The following RELN variants were observed in gnomAD, a reference collection of about 807,000 sequenced individuals.
RELN encodes reelin.
RELN carries 108 observed loss-of-function variants against 427.6 expected under a neutral mutation model. The ratio of observed to expected loss-of-function variants is 0.25; its 90% CI spans 0.22 to 0.30. The LOEUF (loss-of-function observed/expected upper bound fraction) is 0.30, where lower values mean the gene tolerates loss of function less well. Among genes scored for constraint, RELN ranks in the 10% least tolerant of loss-of-function variants. RELN has a pLI of 1.00. For missense variants in RELN, 3,715 were observed against 4,302.8 expected (o/e 0.86, Z 3.82); for synonymous variants, 1,524 against 1,513.4 (o/e 1.01, Z -0.16).
rs184139778 is a variant in RELN, at chr7:103,945,365, T to G, written c.227-28180A>C. Among the ~76,000 whole-genome samples the G allele has an allele frequency of 3.9e-3, 589 of 152,282 alleles. 18 individuals carry two copies. The highest frequency in any genetic ancestry group is 0.032 in the Admixed American group (492 of 15,288). ...TTACACTCCTGATTCTCTAGGCCTC[T>G]CAGACACTTTCCAACAGCTGATCCT... On this transcript the variant is annotated intron_variant, in intron 1 of 64. Transcript: ENST00000428762.
chr7:103,615,006 A>G (rs1332274547), intron 20 of RELN, among the ~76,000 whole-genome samples: 5 of 152,240 alleles, frequency 3.3e-5, no homozygotes, highest in Admixed American at 2.6e-4. Context: ...AAATCAAGAC[A>G]TATTTATAAA....
rs576164966 is a variant in RELN at position 103,691,699 on chromosome 7, A to G, written c.1143+6154T>C. Among the ~76,000 whole-genome samples the G allele has an allele frequency of 8.5e-5, 13 of 152,104 alleles. 2 individuals are homozygous for G. Among genetic ancestry groups the G allele is most frequent in the Admixed American group, 7.9e-4 (12 of 15,262 alleles). On this transcript the variant is annotated intron_variant, in intron 10 of 64. Transcript: ENST00000428762. ...GTGGTGGCGCACACCTGTAGTCCCA[A>G]CTACTCAGGAGGCTAAGGCACAAGA... is the stretch of plus-strand genomic sequence containing the variant.
At chr7:103,865,266 A>T (rs1161995885) in intron 2 of RELN, among the ~76,000 whole-genome samples, 2 of 152,118 alleles carry the variant, frequency 1.3e-5, no homozygotes, top group African/African-American at 4.8e-5. Context: ...TAATTAAAAA[A>T]TTTCACAATG....
At chr7:103,925,982 T>A (rs77908213) in intron 1 of RELN, among the ~76,000 whole-genome samples, 2 of 152,122 alleles carry the variant, frequency 1.3e-5, no homozygotes, top group African/African-American at 4.8e-5. Flanking sequence ...ATGTTTTTTT[T>A]ACGTTGTTTT....
At chr7:103,611,831 A>T in intron 20 of RELN, 28 bp from the exon 21 acceptor site, 1 of 1,573,870 alleles carries the variant, frequency 6.4e-7, no homozygotes, top group Non-Finnish European at 8.7e-7. Flanking sequence ...GGAAATCAGA[A>T]AATTCTAAAC....
intron 22 of RELN, among the ~76,000 whole-genome samples, chr7:103,605,761 T>G (rs1831804165): frequency 6.6e-6 from 1 of 152,344 alleles, no homozygotes; most frequent in South Asian, 2.1e-4. Context: ...TACCCACATA[T>G]TAAGTACTCC....
chr7:103,560,249 C>A (rs976371771), intron 36 of RELN, among the ~76,000 whole-genome samples: 1 of 152,078 alleles, frequency 6.6e-6, no homozygotes, highest in African/African-American at 2.4e-5. Flanking sequence ...AGATAGTATT[C>A]CTGAATCTAT....
intron 10 of RELN, among the ~76,000 whole-genome samples, chr7:103,687,116 TA>T (rs1486372668): frequency 1.3e-5 from 2 of 152,224 alleles, no homozygotes; most frequent in Admixed American, 1.3e-4. Flanking sequence ...ATTTATGGTA[TA>T]TTTTGTGACA....
At chr7:103,907,893 G>A (rs111851974) in intron 2 of RELN, among the ~76,000 whole-genome samples, 247 of 151,910 alleles carry the variant, frequency 1.6e-3, no homozygotes, top group African/African-American at 5.6e-3. Context: ...GCATCAACCC[G>A]TCATTTAGGT....
chr7:103,733,921 C>T (rs1290914343), intron 6 of RELN, among the ~76,000 whole-genome samples: 1 of 128,260 alleles, frequency 7.8e-6, no homozygotes, highest in Non-Finnish European at 1.8e-5. Flanking sequence ...GCACATGTAC[C>T]CTAAAACTTA....
chr7:103,690,855 A>G (rs1168192413), intron 10 of RELN, among the ~76,000 whole-genome samples: 1 of 152,138 alleles, frequency 6.6e-6, no homozygotes, highest in Admixed American at 6.6e-5. Context: ...TGGTAATTAG[A>G]AGCAGGATAG....
intron 51 of RELN, among the ~76,000 whole-genome samples, chr7:103,509,746 CATCT>C (rs776827776): frequency 6.6e-6 from 1 of 151,762 alleles, no homozygotes; most frequent in Non-Finnish European, 1.5e-5. Context: ...GCAATCTATC[CATCT>C]GACAAAGGGC....
At chr7:103,730,955 T>G (rs1318348661) in intron 6 of RELN, among the ~76,000 whole-genome samples, 1 of 152,138 alleles carries the variant, frequency 6.6e-6, no homozygotes, top group Non-Finnish European at 1.5e-5. Context: ...TCACAGGCAC[T>G]GCACTAAGCT....
Position 103,630,724 on chromosome 7 carries a change from C to T in RELN, c.2466-548G>A, listed in dbSNP as rs575871502. Among the ~76,000 whole-genome samples, 61 of 152,202 alleles carry T rather than the reference C, an allele frequency of 4.0e-4. 2 individuals are homozygous for T. The highest frequency in any genetic ancestry group is 1.4e-3 in the African/African-American group (59 of 41,536). On this transcript the variant is annotated intron_variant, in intron 19 of 64. Coordinates refer to ENST00000428762, the MANE Select transcript of RELN (RefSeq NM_005045.4). ...CCATAAATCACAGTACCATGCTGAT[C>T]GCATCCATACACAGGTGAGATGTGA...
intron 46 of RELN, among the ~76,000 whole-genome samples, chr7:103,525,170 T>TC (rs1470807616): frequency 6.6e-6 from 1 of 152,152 alleles, no homozygotes; most frequent in African/African-American, 2.4e-5. Context: ...CCTCTGTGTG[T>TC]CCTTCAGGTC....
intron 4 of RELN, among the ~76,000 whole-genome samples, chr7:103,773,099 CTTTTCTTTCTTT>C (rs1285323573): frequency 3.9e-5 from 5 of 127,072 alleles, no homozygotes; most frequent in African/African-American, 8.8e-5. Flanking sequence ...TGGTTCTCCT[CTTTTCTTTCTTT>C]CTTTCTTTCT....
At position 103,593,778 on chromosome 7, in the gene RELN, G is replaced by T. The variant is rs1355782479; in HGVS notation, c.3816C>A (p.Ala1272=). The change falls in exon 27 of 65, where the codon GCC becomes GCA. Residue 1272 remains alanine (A), a synonymous_variant. Transcript: ENST00000428762. ...TTCCAAATATCATTGCTGATGGTGT[G>T]GCAGCACAGAAGGTTTCATTTTTAA... ...GMVKNETFCA[A]TPSAMIFGKS... 1.2e-6 allele frequency: 2 copies of T among 1,613,326 alleles called. No individual in the cohort carries two copies.
At chr7:103,943,388 G>A (rs528125461) in intron 1 of RELN, among the ~76,000 whole-genome samples, 30 of 152,132 alleles carry the variant, frequency 2.0e-4, no homozygotes, top group Non-Finnish European at 3.4e-4. Context: ...TTTAATGAAG[G>A]GGAAGCCATG....
chr7:103,540,599 CA>C, intron 43 of RELN, 144 bp from the exon 44 acceptor site: 1 of 740,064 alleles, frequency 1.4e-6, no homozygotes, highest in East Asian at 2.6e-5. Flanking sequence ...GCAATCACTT[CA>C]AAGTCTGATT....
Sources: gnomAD v4.1 joint callset for allele counts (sites outside exome capture counted in the v4.1 genomes callset) on GRCh38, gnomAD v4.1.1 for gene constraint, MANE v1.5 for transcripts, NCBI Gene and HGNC (gene_info 2026-07-23, HGNC 2026-07-21) for gene names.